The following BRWD1 variants were observed in gnomAD, a reference collection of about 807,000 sequenced individuals.
BRWD1 encodes bromodomain and WD repeat domain containing 1.
A neutral mutation model predicts 251.2 loss-of-function variants in BRWD1; 82 were observed. The observed-to-expected ratio is 0.33, with a 90% CI of 0.27 to 0.39. The LOEUF (loss-of-function observed/expected upper bound fraction) is 0.39, where lower values mean the gene tolerates loss of function less well. Ranked by LOEUF, BRWD1 falls within the 10% of genes least tolerant of loss-of-function variation. The pLI is 1.00. For synonymous variants in BRWD1, 918 were observed against 902.8 expected (o/e 1.02, Z -0.30); for missense variants, 2,233 against 2,711.6 (o/e 0.82, Z 3.92).
chr21:39,204,737 A>C (rs2032307495), intron 37 of BRWD1, among the ~76,000 whole-genome samples: 1 of 152,176 alleles, frequency 6.6e-6, no homozygotes, highest in Non-Finnish European at 1.5e-5. Context: ...GTTCAAGACA[A>C]AACTGTTCCA....
intron 17 of BRWD1, among the ~76,000 whole-genome samples, chr21:39,263,114 AC>A (rs1307583141): frequency 6.6e-6 from 1 of 152,176 alleles, no homozygotes; most frequent in African/African-American, 2.4e-5. Flanking sequence ...CAAAAAATAA[AC>A]ACACATACAC....
intron 36 of BRWD1, among the ~76,000 whole-genome samples, chr21:39,206,517 T>A (rs751680247): frequency 1.3e-5 from 2 of 152,232 alleles, no homozygotes; most frequent in Non-Finnish European, 2.9e-5. Context: ...TCAGGACTTG[T>A]GTCTATATGT....
Position 39,192,187 on chromosome 21 carries a change from T to A in BRWD1, c.*4072A>T. 2.0e-6 allele frequency: 2 copies of A among 985,304 alleles called. No individual in the cohort carries two copies. The highest frequency in any genetic ancestry group is 2.4e-6 in the Non-Finnish European group (2 of 829,856). 61.0% of individuals were successfully genotyped at this position (985,304 alleles called of 1,614,324 possible). A position where few individuals can be genotyped will look rare whatever the true frequency, so the allele number is the denominator to read the frequency against. ...AATCCCCATGTATCCTTGGGCAACA[T>A]CTCTGTAATTTAACAGCCTTTAAAA... On this transcript the variant is annotated 3_prime_UTR_variant, in exon 41 of 41. Transcript: ENST00000342449.
At chr21:39,252,266 A>T (rs2034420972) in intron 19 of BRWD1, among the ~76,000 whole-genome samples, 1 of 151,274 alleles carries the variant, frequency 6.6e-6, no homozygotes, top group African/African-American at 2.4e-5. Flanking sequence ...AAAAAAAAAA[A>T]TTTATAATGA....
intron 22 of BRWD1, among the ~76,000 whole-genome samples, chr21:39,238,107 T>C (rs2033873281): frequency 6.6e-6 from 1 of 152,142 alleles, no homozygotes. Context: ...GAGGCTGACA[T>C]TTTGGACCCA....
Position 39,247,830 on chromosome 21 carries a change from C to A in BRWD1, c.2352G>T (p.Ser784=). Residue 784 remains serine (S), a splice_region_variant and synonymous_variant, in exon 21 of 41, where the codon TCG becomes TCT. Coordinates refer to ENST00000342449, the MANE Select transcript of BRWD1 (RefSeq NM_033656.4). The part of the protein sequence containing the change: ...KRKTLQLSHK[S]DSVVLVSQSR... The stretch of plus-strand genomic sequence containing the variant: ...ACTGTGATACCAAAACCACTGAATC[C>A]GACTGAAACACAGAAAAACATGCGA... 6.3e-7 allele frequency: 1 copy of A among 1,591,702 alleles called. No homozygotes were observed. Among genetic ancestry groups the A allele is most frequent in the Non-Finnish European group, 8.5e-7 (1 of 1,170,716 alleles).
chr21:39,210,464 TTTA>T (rs991117090), intron 35 of BRWD1, among the ~76,000 whole-genome samples: 1 of 152,148 alleles, frequency 6.6e-6, no homozygotes, highest in East Asian at 1.9e-4. Context: ...AATTTCCCTT[TTTA>T]AAGAGTGCAA....
intron 21 of BRWD1, 58 bp downstream of exon 21, chr21:39,247,643 A>C: frequency 3.3e-6 from 5 of 1,508,614 alleles, no homozygotes; most frequent in Non-Finnish European, 8.9e-7. Flanking sequence ...TTCAAAGTAA[A>C]GAATTAAGCC....
chr21:39,271,910 G>C, intron 13 of BRWD1, among the ~76,000 whole-genome samples: 1 of 149,154 alleles, frequency 6.7e-6, no homozygotes. Flanking sequence ...GTAGTGACAG[G>C]CTCCTGTAAT....
chr21:39,196,309 C>G lies in BRWD1; in HGVS notation c.6760G>C (p.Asp2254His). The G allele has an allele frequency of 6.2e-7, 1 of 1,611,358 alleles. No individual in the cohort carries two copies. Residue 2254 changes from aspartate to histidine, a missense_variant, in exon 41 of 41, where the codon GAT becomes CAT. By Grantham distance (81) the Asp-to-His change is moderately conservative. This residue lies in a region of BRWD1 where 928 missense variants were observed against 970.0 expected (regional missense o/e 0.96). Coordinates refer to ENST00000342449, the MANE Select transcript of BRWD1 (RefSeq NM_033656.4). Reference protein sequence around the residue: ...RRTVRYHDGDDDRSLENVLDF... With the variant: ...RRTVRYHDGDHDRSLENVLDF... ...AACACATTTTCTAAACTTCTGTCAT[C>G]ATCCCCATCATGGTATCTCACAGTC...
chr21:39,213,422 ACTTT>A, intron 33 of BRWD1, 55 bp downstream of exon 33: 1 of 422,526 alleles, frequency 2.4e-6, no homozygotes, highest in Non-Finnish European at 3.1e-6. Flanking sequence ...CATTTTCTTC[ACTTT>A]AAAAATACCA....
intron 19 of BRWD1, among the ~76,000 whole-genome samples, chr21:39,253,586 T>C (rs898493719): frequency 1.3e-5 from 2 of 152,202 alleles, no homozygotes; most frequent in African/African-American, 2.4e-5. Context: ...CAGCATACTA[T>C]ATACATATTG....
intron 20 of BRWD1, 95 bp downstream of exon 20, chr21:39,250,698 ACTT>A (rs1343159530): frequency 4.0e-6 from 3 of 743,966 alleles, no homozygotes; most frequent in Non-Finnish European, 6.4e-6. Flanking sequence ...GAAATACTCC[ACTT>A]CAGATGAAAG....
chr21:39,284,063 C>T (rs1330251324), intron 8 of BRWD1, among the ~76,000 whole-genome samples: 1 of 152,140 alleles, frequency 6.6e-6, no homozygotes, highest in Non-Finnish European at 1.5e-5. Context: ...AGCTTAAGAA[C>T]GTCTACTTTT....
intron 29 of BRWD1, among the ~76,000 whole-genome samples, chr21:39,222,975 A>C (rs1056769444): frequency 1.4e-5 from 1 of 71,310 alleles, no homozygotes; most frequent in African/African-American, 5.8e-5. Context: ...TTTAATCCAG[A>C]AAAACATCAA....
At position 39,291,047 on chromosome 21, in the gene BRWD1, G is replaced by T. The variant is rs182953950; in HGVS notation, c.831+2764C>A. 2.1e-3 allele frequency among the ~76,000 whole-genome samples: 321 copies of T among 152,190 alleles called. 2 individuals are homozygous for T. The highest frequency in any genetic ancestry group is 7.4e-3 in the African/African-American group (307 of 41,538). On this transcript the variant is annotated intron_variant, in intron 8 of 40. Coordinates refer to ENST00000342449, the MANE Select transcript of BRWD1 (RefSeq NM_033656.4). ...CGAGAGGTTGAGATGGGCAGACCTT[G>T]ACCCCAGGCTGAGGTTACAGTGAGC...
intron 21 of BRWD1, among the ~76,000 whole-genome samples, chr21:39,240,982 C>A (rs2146579767): frequency 6.6e-6 from 1 of 151,864 alleles, no homozygotes; most frequent in Admixed American, 6.6e-5. Context: ...CTCACTGCAA[C>A]CTCCACTTCG....
At chr21:39,197,445 TCTTTTGTA>T in intron 40 of BRWD1, 30 bp from the exon 41 acceptor site, 5 of 1,494,216 alleles carry the variant, frequency 3.3e-6, no homozygotes, top group Non-Finnish European at 4.5e-6. Flanking sequence ...TTTCTATTAA[TCTTTTGTA>T]AGTCTAAAGG....
chr21:39,287,693 T>C (rs1355710566), intron 8 of BRWD1, among the ~76,000 whole-genome samples: 1 of 152,354 alleles, frequency 6.6e-6, no homozygotes, highest in East Asian at 1.9e-4. Context: ...TTCAAAGAAC[T>C]TCTGGCTTTG....
Sources: allele counts gnomAD v4.1 joint callset (sites outside exome capture counted in the v4.1 genomes callset), GRCh38; gene constraint gnomAD v4.1.1; regional missense constraint gnomAD v4.1.1; transcripts MANE v1.5; gene names NCBI Gene and HGNC (gene_info 2026-07-23, HGNC 2026-07-21).